The following EVI5 variants were observed in gnomAD, a reference collection of about 807,000 sequenced individuals.
EVI5 encodes the protein ecotropic viral integration site 5.
Under a neutral mutation model 112.0 loss-of-function variants are expected in EVI5, and 73 were observed. The observed-to-expected ratio is 0.65, with a 90% CI of 0.54 to 0.79. The LOEUF (loss-of-function observed/expected upper bound fraction) is 0.79, where lower values mean the gene tolerates loss of function less well. EVI5 is among the 30% of genes least tolerant of loss of function. The pLI, the probability that EVI5 is intolerant of heterozygous loss-of-function variation, is 0.00. For synonymous variants in EVI5, 305 were observed against 319.9 expected (o/e 0.95, Z 0.50); for missense variants, 900 against 968.8 (o/e 0.93, Z 0.94).
intron 1 of EVI5, among the ~76,000 whole-genome samples, chr1:92,749,835 G>GGC (rs1176961819): frequency 6.6e-6 from 1 of 152,042 alleles, no homozygotes; most frequent in Non-Finnish European, 1.5e-5. Context: ...GCTAAAAGGG[G>GGC]GCCCACAGCC....
chr1:92,588,810 T>C (rs1399648628), intron 18 of EVI5, among the ~76,000 whole-genome samples: 1 of 152,200 alleles, frequency 6.6e-6, no homozygotes. Flanking sequence ...GGTTTTAAAA[T>C]TAGAATAACA....
intron 6 of EVI5, among the ~76,000 whole-genome samples, chr1:92,695,743 T>C (rs2102482380): frequency 6.6e-6 from 1 of 152,274 alleles, no homozygotes; most frequent in South Asian, 2.1e-4. Context: ...CAAGAGTGAC[T>C]GACATTTTCT....
chr1:92,699,239 C>T (rs1213460586), intron 5 of EVI5, among the ~76,000 whole-genome samples: 1 of 152,192 alleles, frequency 6.6e-6, no homozygotes, highest in African/African-American at 2.4e-5. Flanking sequence ...CACAGCCCCA[C>T]TGAATTATGT....
chr1:92,672,159 GA>G (rs1558039576), intron 10 of EVI5, among the ~76,000 whole-genome samples: 1 of 152,222 alleles, frequency 6.6e-6, no homozygotes, highest in South Asian at 2.1e-4. Context: ...GCGTTCATCA[GA>G]AATGCTCTCA....
intron 1 of EVI5, among the ~76,000 whole-genome samples, chr1:92,765,220 T>C (rs1028914018): frequency 7.5e-5 from 11 of 147,092 alleles, no homozygotes; most frequent in African/African-American, 2.5e-4. Context: ...CCTTCCTTTT[T>C]TTTTTTTTTT....
chr1:92,539,236 A>G (rs373593757), intron 19 of EVI5, among the ~76,000 whole-genome samples: 25 of 152,260 alleles, frequency 1.6e-4, no homozygotes, highest in African/African-American at 5.5e-4. Flanking sequence ...AAATCACTCA[A>G]GAAATCTGAA....
intron 19 of EVI5, among the ~76,000 whole-genome samples, chr1:92,533,138 T>C (rs948999416): frequency 6.6e-6 from 1 of 151,608 alleles, no homozygotes; most frequent in African/African-American, 2.4e-5. Context: ...AAATACAAAC[T>C]ATCATCAGAG....
At chr1:92,585,355 G>A (rs1044750093) in intron 18 of EVI5, among the ~76,000 whole-genome samples, 2 of 152,134 alleles carry the variant, frequency 1.3e-5, no homozygotes, top group Non-Finnish European at 2.9e-5. Context: ...AGCAGGGCAT[G>A]GTGGGGTGTG....
chr1:92,633,001 T>C (rs1162520125), intron 14 of EVI5, among the ~76,000 whole-genome samples: 1 of 152,252 alleles, frequency 6.6e-6, no homozygotes, highest in Non-Finnish European at 1.5e-5. Context: ...AGTTTCTTAA[T>C]CCTGAGTTCT....
intron 19 of EVI5, among the ~76,000 whole-genome samples, chr1:92,520,229 A>G (rs1660665110): frequency 6.6e-6 from 1 of 152,146 alleles, no homozygotes; most frequent in South Asian, 2.1e-4. Context: ...AAACAAGAAC[A>G]TTATTTTCCA....
intron 9 of EVI5, among the ~76,000 whole-genome samples, chr1:92,682,888 C>T (rs997694214): frequency 6.6e-6 from 1 of 152,150 alleles, no homozygotes; most frequent in Admixed American, 6.5e-5. Context: ...AAGAATGTTT[C>T]CTCATATACA....
At chr1:92,552,122 GAAAAA>G (rs143454054) in intron 19 of EVI5, among the ~76,000 whole-genome samples, 11 of 123,134 alleles carry the variant, frequency 8.9e-5, no homozygotes, top group Non-Finnish European at 1.7e-4. Context: ...GGGCTGTAGG[GAAAAA>G]AAAAAAAAAA....
chr1:92,756,696 T>C, intron 1 of EVI5: 1 of 495,002 alleles, frequency 2.0e-6, no homozygotes, highest in Non-Finnish European at 4.1e-6. Context: ...CACATAGACC[T>C]CACCGCTGTA....
At chr1:92,658,958 T>C (rs1663503214) in intron 13 of EVI5, among the ~76,000 whole-genome samples, 1 of 151,994 alleles carries the variant, frequency 6.6e-6, no homozygotes, top group South Asian at 2.1e-4. Context: ...TTCAACAAAG[T>C]TGATAGAAAC....
chr1:92,703,841 C>T lies in EVI5; in HGVS notation c.340-222G>A, dbSNP rs141903807. ...AGGGGATTAATAATGATCATTTCAC[C>T]TCAGTGTGTGACCTCTTAAGGTAAT... On this transcript the variant is annotated intron_variant, in intron 3 of 19. Transcript: ENST00000684568. 8.9e-4 allele frequency: 372 copies of T among 416,804 alleles called. 5 individuals carry two copies. In the East Asian group the frequency reaches 0.018, roughly 20 times the overall value. The allele number at this position is 416,804 out of a possible 1,614,324, so 25.8% of individuals were successfully genotyped here.
intron 1 of EVI5, among the ~76,000 whole-genome samples, chr1:92,743,235 C>T (rs773682464): frequency 2.0e-5 from 3 of 152,082 alleles, no homozygotes; most frequent in Non-Finnish European, 4.4e-5. Flanking sequence ...CGCCTGTAAT[C>T]CCAGCTACTT....
chr1:92,621,543 A>C (rs557795542), intron 16 of EVI5, among the ~76,000 whole-genome samples: 11 of 152,160 alleles, frequency 7.2e-5, no homozygotes, highest in Middle Eastern at 3.4e-3. Flanking sequence ...CAAACTCCTG[A>C]TCTCAGGTGA....
At chr1:92,670,892 T>C (rs1285621568) in intron 10 of EVI5, among the ~76,000 whole-genome samples, 2 of 152,200 alleles carry the variant, frequency 1.3e-5, no homozygotes, top group Non-Finnish European at 2.9e-5. Flanking sequence ...TAACTACTCA[T>C]GCTAGCATAC....
intron 16 of EVI5, among the ~76,000 whole-genome samples, chr1:92,610,100 C>T (rs765922887): frequency 6.6e-6 from 1 of 152,070 alleles, no homozygotes; most frequent in Non-Finnish European, 1.5e-5. Context: ...TTGCTCAGGC[C>T]AGTCTTGAAC....
Sources: gnomAD v4.1 joint callset for allele counts (sites outside exome capture counted in the v4.1 genomes callset) on GRCh38, gnomAD v4.1.1 for gene constraint, MANE v1.5 for transcripts, NCBI Gene and HGNC (gene_info 2026-07-23, HGNC 2026-07-21) for gene names.